CCDC125: variants seen among roughly 807,000 people sequenced by gnomAD.
CCDC125 encodes the protein coiled-coil domain containing 125.
Under a neutral mutation model 57.4 loss-of-function variants are expected in CCDC125, and 43 were observed. The observed-to-expected ratio is 0.75, with a 90% CI of 0.59 to 0.97. CCDC125 has a LOEUF of 0.97. Ranked by LOEUF, CCDC125 falls within the 50% of genes least tolerant of loss-of-function variation. The pLI is 0.00. For synonymous variants in CCDC125, 187 were observed against 195.2 expected (o/e 0.96, Z 0.35); for missense variants, 563 against 595.7 (o/e 0.95, Z 0.57).
At chr5:69,302,107 T>C (rs1327094878) in intron 7 of CCDC125, among the ~76,000 whole-genome samples, 3 of 149,582 alleles carry the variant, frequency 2.0e-5, no homozygotes, top group East Asian at 2.0e-4. Flanking sequence ...AATAAACAAA[T>C]AAATAAATAA....
chr5:69,297,095 T>C (rs1362422878), intron 8 of CCDC125, among the ~76,000 whole-genome samples: 1 of 152,214 alleles, frequency 6.6e-6, no homozygotes, highest in Non-Finnish European at 1.5e-5. Context: ...AGACGGAGTC[T>C]CGCTCTGTCA....
chr5:69,331,101 G>T (rs2150701167), intron 1 of CCDC125, among the ~76,000 whole-genome samples: 1 of 152,066 alleles, frequency 6.6e-6, no homozygotes, highest in African/African-American at 2.4e-5. Context: ...TCAGGAGTTT[G>T]TGACCAGCCT....
the CCDC125 span, chr5:69,273,042 G>T: frequency 1.3e-6 from 2 of 1,506,130 alleles, no homozygotes; most frequent in Admixed American, 3.7e-5. Context: ...GGCCACACAG[G>T]TATTTTGGTG....
intron 1 of CCDC125, among the ~76,000 whole-genome samples, chr5:69,329,749 T>C (rs1761187513): frequency 6.6e-6 from 1 of 151,890 alleles, no homozygotes; most frequent in Non-Finnish European, 1.5e-5. Flanking sequence ...ATGATCCACC[T>C]GTCTCGGCCT....
intron 3 of CCDC125, chr5:69,313,636 C>T: frequency 1.4e-6 from 1 of 739,896 alleles, no homozygotes; most frequent in South Asian, 1.4e-5. Flanking sequence ...TAGAGGCAAT[C>T]CTTATCCGGT....
At chr5:69,307,189 C>G (rs539017688) in intron 5 of CCDC125, among the ~76,000 whole-genome samples, 1 of 152,022 alleles carries the variant, frequency 6.6e-6, no homozygotes, top group Non-Finnish European at 1.5e-5. Context: ...TGCCCACCTC[C>G]GCTGCATGTA....
In CCDC125 at chr5:69,329,499, CT is replaced by C. The variant is rs535306741; in HGVS notation, c.-41+3149del. Among the ~76,000 whole-genome samples the C allele has an allele frequency of 2.7e-3, 256 of 95,294 alleles. No individual in the cohort carries two copies. The East Asian group carries it at 0.037, about 14-fold the overall frequency. 62.5% of individuals were successfully genotyped at this position (95,294 alleles called of 152,430 possible). A position where few individuals can be genotyped will look rare whatever the true frequency, so the allele number is the denominator to read the frequency against. On this transcript the variant is annotated intron_variant, in intron 1 of 11. Coordinates refer to ENST00000396496, the MANE Select transcript of CCDC125 (RefSeq NM_176816.5). ...CACCATGCCCAGCCAGGATTCAAGT[CT>C]TTTTTTTTTTTTTTTTTTTTGAGAC...
intron 2 of CCDC125, among the ~76,000 whole-genome samples, chr5:69,314,325 C>T (rs1007100362): frequency 1.3e-5 from 2 of 151,906 alleles, no homozygotes; most frequent in African/African-American, 2.4e-5. Flanking sequence ...ATTAGCTGGG[C>T]GTGGTGGTGC....
Position 69,306,753 on chromosome 5 carries a change from A to G in CCDC125, c.617+64T>C. ...ACTTGGCTCAAAGAAGAAAGCATAA[A>G]TTACTTTTGAATTACATAGATTTTA... On this transcript the variant is annotated intron_variant, in intron 6 of 11. Coordinates refer to ENST00000396496, the MANE Select transcript of CCDC125 (RefSeq NM_176816.5). The G allele has an allele frequency of 3.0e-6, 4 of 1,334,022 alleles. 1 individual carries two copies. In the South Asian group the frequency reaches 9.8e-5, roughly 33 times the overall value. 82.6% of individuals were successfully genotyped at this position (1,334,022 alleles called of 1,614,324 possible). A position where few individuals can be genotyped will look rare whatever the true frequency, so the allele number is the denominator to read the frequency against.
intron 10 of CCDC125, among the ~76,000 whole-genome samples, chr5:69,286,752 T>C (rs971967613): frequency 1.3e-5 from 2 of 151,984 alleles, no homozygotes; most frequent in Admixed American, 6.6e-5. Flanking sequence ...CCAAAAGTGG[T>C]TTAGTGGGAA....
chr5:69,329,573 G>A lies in CCDC125; in HGVS notation c.-41+3076C>T, dbSNP rs181314426. ...GGCTGGAGTGCAATGGCGTGATCAC[G>A]GCTCACTGCAACCTCTGCCTCCTGG... On this transcript the variant is annotated intron_variant, in intron 1 of 11. Coordinates refer to ENST00000396496, the MANE Select transcript of CCDC125 (RefSeq NM_176816.5). 5.8e-3 allele frequency among the ~76,000 whole-genome samples: 800 copies of A among 138,594 alleles called. 8 individuals carry two copies. Among genetic ancestry groups the A allele is most frequent in the African/African-American group, 0.02 (754 of 37,312 alleles). 90.9% of individuals were successfully genotyped at this position (138,594 alleles called of 152,430 possible).
At position 69,320,325 on chromosome 5, in the gene CCDC125, C is replaced by G; in HGVS notation, c.216G>C (p.Ala72=). Residue 72 remains alanine (A), a synonymous_variant, in exon 2 of 12, where the codon GCG becomes GCC. Transcript: ENST00000396496. ...FPRKGEERNE[A]SFQYSKHKSQ... ...TCTTATGCTTGGAATACTGAAAACT[C>G]GCTTCATTTCTTTCTTCTCCCTTTC... 2 of 1,613,980 alleles carry G rather than the reference C, an allele frequency of 1.2e-6. No homozygotes were observed. The highest frequency in any genetic ancestry group is 1.7e-6 in the Non-Finnish European group (2 of 1,179,964).
chr5:69,324,651 A>T (rs1198390486), intron 1 of CCDC125, among the ~76,000 whole-genome samples: 1 of 152,244 alleles, frequency 6.6e-6, no homozygotes, highest in African/African-American at 2.4e-5. Context: ...CATTTCTGAC[A>T]TATGCATTAC....
At chr5:69,311,037 G>T in intron 4 of CCDC125, 81 bp downstream of exon 4, 1 of 869,844 alleles carries the variant, frequency 1.1e-6, no homozygotes. Context: ...AAGTCCTTCT[G>T]CCTTGGTTTT....
chr5:69,325,655 C>A (rs1281353312), intron 1 of CCDC125, among the ~76,000 whole-genome samples: 1 of 151,172 alleles, frequency 6.6e-6, no homozygotes, highest in Non-Finnish European at 1.5e-5. Context: ...GAAACCTCAT[C>A]TCTACTAAAA....
chr5:69,295,379 C>T (rs1375559645), intron 8 of CCDC125, among the ~76,000 whole-genome samples: 2 of 152,084 alleles, frequency 1.3e-5, no homozygotes, highest in East Asian at 1.9e-4. Flanking sequence ...ACAGTCATCC[C>T]TCCACTCCTA....
chr5:69,299,479 C>T (rs1309431131), intron 8 of CCDC125, among the ~76,000 whole-genome samples: 1 of 152,090 alleles, frequency 6.6e-6, no homozygotes, highest in African/African-American at 2.4e-5. Context: ...TTTGTGAGGC[C>T]CCTTCTGACC....
At chr5:69,316,728 G>T (rs1240306204) in intron 2 of CCDC125, among the ~76,000 whole-genome samples, 1 of 152,066 alleles carries the variant, frequency 6.6e-6, no homozygotes, top group Non-Finnish European at 1.5e-5. Flanking sequence ...GACCAGGCTG[G>T]TGTCGAACTC....
intron 7 of CCDC125, among the ~76,000 whole-genome samples, chr5:69,302,404 G>C (rs1277088680): frequency 1.1e-5 from 1 of 94,610 alleles, no homozygotes. Context: ...CTGGGCAACA[G>C]AGTGAGACTC....
Sources: allele counts gnomAD v4.1 joint callset (sites outside exome capture counted in the v4.1 genomes callset), GRCh38; gene constraint gnomAD v4.1.1; transcripts MANE v1.5; gene names NCBI Gene and HGNC (gene_info 2026-07-23, HGNC 2026-07-21).